GALNT17: variants seen among roughly 807,000 people sequenced by gnomAD.
GALNT17 encodes UDP-GalNAc:polypeptide N-acetylgalactosaminyltransferase-like 3.
In GALNT17, 29 loss-of-function variants were observed where a neutral mutation model predicts 63.7. The observed-to-expected ratio is 0.46, with a 90% CI of 0.34 to 0.62. GALNT17 has a LOEUF of 0.62. Ranked by LOEUF, GALNT17 falls within the 20% of genes least tolerant of loss-of-function variation. The pLI, the probability that GALNT17 is intolerant of heterozygous loss-of-function variation, is 0.01. For missense variants in GALNT17, 603 were observed against 799.6 expected (o/e 0.75, Z 2.97); for synonymous variants, 305 against 318.3 (o/e 0.96, Z 0.45).
At chr7:71,472,008 T>C (rs1417560368) in intron 5 of GALNT17, among the ~76,000 whole-genome samples, 4 of 152,070 alleles carry the variant, frequency 2.6e-5, no homozygotes, top group Non-Finnish European at 5.9e-5. Context: ...GGGTGGCTTA[T>C]AAACAACAAA....
chr7:71,480,770 G>A (rs1375986641), intron 5 of GALNT17, among the ~76,000 whole-genome samples: 1 of 152,164 alleles, frequency 6.6e-6, no homozygotes, highest in African/African-American at 2.4e-5. Context: ...GCCTCCCAAA[G>A]CACTGGGATT....
At chr7:71,226,121 T>C (rs993154659) in intron 1 of GALNT17, among the ~76,000 whole-genome samples, 8 of 152,366 alleles carry the variant, frequency 5.3e-5, no homozygotes, top group African/African-American at 1.9e-4. Context: ...TAACTATCTT[T>C]AATTTGTTGA....
At chr7:71,167,691 T>C (rs994273702) in intron 1 of GALNT17, among the ~76,000 whole-genome samples, 14 of 152,180 alleles carry the variant, frequency 9.2e-5, no homozygotes, top group African/African-American at 3.1e-4. Context: ...TGTTTTGTTT[T>C]ATTATTTTTT....
At chr7:71,603,024 T>C (rs1296250006) in intron 6 of GALNT17, among the ~76,000 whole-genome samples, 9 of 152,150 alleles carry the variant, frequency 5.9e-5, no homozygotes, top group African/African-American at 2.2e-4. Flanking sequence ...CTGTGCTAAG[T>C]GCATATACCA....
Position 71,571,218 on chromosome 7 carries a change from C to T in GALNT17, c.963-67C>T, listed in dbSNP as rs553174486. 2.6e-5 allele frequency: 35 copies of T among 1,350,578 alleles called. No individual in the cohort carries two copies. In the African/African-American group the frequency reaches 2.7e-4, roughly 11 times the overall value. 83.7% of individuals were successfully genotyped at this position (1,350,578 alleles called of 1,614,324 possible). A position where few individuals can be genotyped will look rare whatever the true frequency, so the allele number is the denominator to read the frequency against. Reference sequence around the variant, plus strand: ...AGACCGGAACCAGTACATACTAGGACGGTGCCTATGGAAGGGCTTCTGGCA... The same window carrying T: ...AGACCGGAACCAGTACATACTAGGATGGTGCCTATGGAAGGGCTTCTGGCA... On this transcript the variant is annotated intron_variant, in intron 5 of 10. Transcript: ENST00000333538.
chr7:71,674,577 G>T (rs115154506), intron 8 of GALNT17, among the ~76,000 whole-genome samples: 1 of 151,846 alleles, frequency 6.6e-6, no homozygotes, highest in Non-Finnish European at 1.5e-5. Context: ...ATCCAGTGGC[G>T]CAATCTCAGC....
At chr7:71,154,982 A>G (rs1216798904) in intron 1 of GALNT17, among the ~76,000 whole-genome samples, 3 of 151,856 alleles carry the variant, frequency 2.0e-5, no homozygotes, top group Non-Finnish European at 2.9e-5. Context: ...TCTTGGATTT[A>G]TATGCCATGG....
At chr7:71,370,817 G>T (rs1792607942) in intron 2 of GALNT17, among the ~76,000 whole-genome samples, 1 of 151,304 alleles carries the variant, frequency 6.6e-6, no homozygotes, top group Non-Finnish European at 1.5e-5. Context: ...TGTTGCCCAG[G>T]CTGGTCTCGA....
At chr7:71,276,861 C>A (rs541576677) in intron 1 of GALNT17, among the ~76,000 whole-genome samples, 1 of 151,948 alleles carries the variant, frequency 6.6e-6, no homozygotes, top group Admixed American at 6.6e-5. Context: ...AAGCAGGCAT[C>A]GTGGTGGGCA....
At chr7:71,256,016 A>G (rs1320373169) in intron 1 of GALNT17, among the ~76,000 whole-genome samples, 1 of 152,180 alleles carries the variant, frequency 6.6e-6, no homozygotes, top group Non-Finnish European at 1.5e-5. Context: ...TCTGAAAAGA[A>G]GCATTTACAA....
intron 2 of GALNT17, among the ~76,000 whole-genome samples, chr7:71,369,029 C>G (rs769367085): frequency 4.6e-5 from 7 of 152,064 alleles, no homozygotes; most frequent in Non-Finnish European, 8.8e-5. Context: ...CTCCAGTGAT[C>G]TGATGTGGCA....
chr7:71,245,126 A>G (rs922100117), intron 1 of GALNT17, among the ~76,000 whole-genome samples: 3 of 152,096 alleles, frequency 2.0e-5, no homozygotes, highest in African/African-American at 7.2e-5. Flanking sequence ...TAAGTGGTTG[A>G]AATAATTACG....
Position 71,133,036 on chromosome 7 carries a change from G to A in GALNT17, c.234G>A (p.Leu78=). The change falls in exon 1 of 11, where the codon CTG becomes CTA. Residue 78 remains leucine, a synonymous_variant. Transcript: ENST00000333538. ...SLLEDIVYRQ[L]NGLSKSLGLI... ...TGGAGGACATCGTGTACCGGCAGCTGAATGGTAAGGACGCACGCCGGCGCC... is the reference window on the plus strand; with the variant it reads ...TGGAGGACATCGTGTACCGGCAGCTAAATGGTAAGGACGCACGCCGGCGCC... 6.4e-7 allele frequency: 1 copy of A among 1,574,598 alleles called. No homozygotes were observed. Among genetic ancestry groups the A allele is most frequent in the South Asian group, 1.1e-5 (1 of 87,966 alleles).
chr7:71,262,012 G>A (rs1335008246), intron 1 of GALNT17, among the ~76,000 whole-genome samples: 4 of 152,140 alleles, frequency 2.6e-5, no homozygotes, highest in South Asian at 2.1e-4. Flanking sequence ...TTACCTGAGC[G>A]TGCACCTAGG....
chr7:71,392,811 C>A (rs770010454), intron 3 of GALNT17, among the ~76,000 whole-genome samples: 1 of 149,556 alleles, frequency 6.7e-6, no homozygotes, highest in African/African-American at 2.4e-5. Context: ...TGGTTCTGTT[C>A]TCTATGTTTT....
intron 2 of GALNT17, among the ~76,000 whole-genome samples, chr7:71,381,856 G>A (rs1295875635): frequency 6.6e-6 from 1 of 152,186 alleles, no homozygotes; most frequent in Admixed American, 6.5e-5. Context: ...CTGCATGAAT[G>A]TGAGACTTGG....
At chr7:71,572,461 C>T (rs1789459291) in intron 6 of GALNT17, among the ~76,000 whole-genome samples, 1 of 127,476 alleles carries the variant, frequency 7.8e-6, no homozygotes, top group Admixed American at 9.4e-5. Context: ...ATGATTATGC[C>T]ATTACACTCC....
chr7:71,204,750 T>A (rs1789239717), intron 1 of GALNT17, among the ~76,000 whole-genome samples: 1 of 151,810 alleles, frequency 6.6e-6, no homozygotes, highest in Admixed American at 6.6e-5. Context: ...TTTTTGTTTT[T>A]GTTTTTGTTT....
chr7:71,211,993 G>C (rs571349895), intron 1 of GALNT17, among the ~76,000 whole-genome samples: 265 of 152,310 alleles, frequency 1.7e-3, no homozygotes, highest in African/African-American at 5.9e-3. Flanking sequence ...GAAATTCAAG[G>C]CAGCTGCAGA....
Sources: gnomAD v4.1 joint callset for allele counts (sites outside exome capture counted in the v4.1 genomes callset) on GRCh38, gnomAD v4.1.1 for gene constraint, MANE v1.5 for transcripts, NCBI Gene and HGNC (gene_info 2026-07-23, HGNC 2026-07-21) for gene names.